Variants in ADGRV1 observed in about 807,000 individuals in gnomAD.
ADGRV1 encodes the protein adhesion G protein-coupled receptor V1.
In ADGRV1, 359 loss-of-function variants were observed where a neutral mutation model predicts 596.2. The observed-to-expected ratio is 0.60, with a 90% CI of 0.55 to 0.66. The LOEUF is 0.66. Among genes scored for constraint, ADGRV1 ranks in the 30% least tolerant of loss-of-function variants. The pLI is 0.00. For synonymous variants in ADGRV1, 2,681 were observed against 2,679.2 expected, an observed-to-expected ratio of 1.00 and a Z score of -0.02; for missense variants, 7,274 against 7,575.6, an observed-to-expected ratio of 0.96 and a Z score of 1.48.
At chr5:90,884,028 A>G (rs755668876) in intron 83 of ADGRV1, among the ~76,000 whole-genome samples, 3 of 152,210 alleles carry the variant, frequency 2.0e-5, no homozygotes, top group Non-Finnish European at 1.5e-5. Flanking sequence ...TCACATTCAT[A>G]GAACTAAATT....
intron 76 of ADGRV1, among the ~76,000 whole-genome samples, chr5:90,823,955 A>G (rs1446181979): frequency 6.6e-6 from 1 of 152,214 alleles, no homozygotes; most frequent in Non-Finnish European, 1.5e-5. Flanking sequence ...ACATACAAAG[A>G]AAAAAATGTT....
intron 85 of ADGRV1, among the ~76,000 whole-genome samples, chr5:90,999,466 T>G (rs1310443950): frequency 6.6e-6 from 1 of 151,850 alleles, no homozygotes; most frequent in African/African-American, 2.4e-5. Context: ...TCAGGAAGAT[T>G]AATGATTACT....
intron 39 of ADGRV1, among the ~76,000 whole-genome samples, chr5:90,710,168 T>C (rs1054127003): frequency 1.3e-5 from 2 of 152,116 alleles, no homozygotes; most frequent in South Asian, 2.1e-4. Context: ...CCTTTCCCCA[T>C]CCAGGCAGCT....
chr5:91,006,490 A>G (rs1581770249), intron 85 of ADGRV1, among the ~76,000 whole-genome samples: 1 of 152,260 alleles, frequency 6.6e-6, no homozygotes, highest in South Asian at 2.1e-4. Flanking sequence ...TTTTTTTCAC[A>G]AAATTTTTGT....
chr5:90,718,524 TA>T (rs1750457541), intron 43 of ADGRV1: 1 of 152,196 alleles, frequency 6.6e-6, no homozygotes, highest in African/African-American at 2.4e-5. Flanking sequence ...ATAATAGATT[TA>T]AAGCTATTTT....
At chr5:90,793,829 T>C (rs1271106332) in intron 70 of ADGRV1, among the ~76,000 whole-genome samples, 2 of 152,226 alleles carry the variant, frequency 1.3e-5, no homozygotes, top group African/African-American at 4.8e-5. Context: ...AAACCCTCTT[T>C]TTTGGTCACT....
chr5:90,971,178 C>T (rs1380827825), intron 84 of ADGRV1, among the ~76,000 whole-genome samples: 1 of 152,060 alleles, frequency 6.6e-6, no homozygotes, highest in Non-Finnish European at 1.5e-5. Flanking sequence ...GAAACAAAGA[C>T]TCCAAGAAAC....
chr5:91,091,495 T>A (rs1407544825), intron 86 of ADGRV1: 1 of 152,200 alleles, frequency 6.6e-6, no homozygotes, highest in Non-Finnish European at 1.5e-5. Flanking sequence ...AGAAACTGTC[T>A]TTTTTAATTC....
At chr5:91,075,111 A>T (rs917982291) in intron 86 of ADGRV1, among the ~76,000 whole-genome samples, 1 of 152,080 alleles carries the variant, frequency 6.6e-6, no homozygotes, top group African/African-American at 2.4e-5. Context: ...TAGTTTGCAA[A>T]AATTTTCTCC....
chr5:91,087,582 T>C (rs1194760969), intron 86 of ADGRV1, among the ~76,000 whole-genome samples: 5 of 152,238 alleles, frequency 3.3e-5, no homozygotes, highest in Non-Finnish European at 5.9e-5. Flanking sequence ...TATATAATCA[T>C]TGAGAGCAGA....
At chr5:90,620,312 G>A (rs36164590) in intron 4 of ADGRV1, among the ~76,000 whole-genome samples, 29,230 of 151,592 alleles carry the variant, frequency 0.19, 3,039 homozygotes, top group East Asian at 0.4. Flanking sequence ...GTGAGATGGT[G>A]TCTCATTGTG....
chr5:90,774,362 A>G, intron 60 of ADGRV1, 59 bp downstream of exon 60: 1 of 962,120 alleles, frequency 1.0e-6, no homozygotes, highest in Non-Finnish European at 1.6e-6. Flanking sequence ...AAATGTAATA[A>G]AAATAACCCG....
intron 87 of ADGRV1, among the ~76,000 whole-genome samples, chr5:91,130,871 G>A (rs528596264): frequency 6.0e-4 from 92 of 152,334 alleles, no homozygotes; most frequent in African/African-American, 2.1e-3. Flanking sequence ...AGGACATGCG[G>A]TATTTGATTC....
chr5:90,826,249 C>T (rs73775005), intron 76 of ADGRV1, among the ~76,000 whole-genome samples: 5,916 of 152,208 alleles, frequency 0.039, 167 homozygotes, highest in African/African-American at 0.078. Context: ...TGACAATATT[C>T]TTCTGTAGTG....
chr5:90,918,483 T>C (rs1773585589), intron 83 of ADGRV1, among the ~76,000 whole-genome samples: 1 of 152,138 alleles, frequency 6.6e-6, no homozygotes, highest in Non-Finnish European at 1.5e-5. Flanking sequence ...GTGTGAGAGG[T>C]AGATAGCAAA....
chr5:90,617,998 T>C (rs1476887538), intron 3 of ADGRV1, 45 bp downstream of exon 3: 3 of 1,413,932 alleles, frequency 2.1e-6, no homozygotes, highest in Non-Finnish European at 2.8e-6. Flanking sequence ...GGAGGACTTA[T>C]AAAACTTATA....
At chr5:90,661,109 C>T (rs1770220393) in intron 21 of ADGRV1, among the ~76,000 whole-genome samples, 1 of 152,164 alleles carries the variant, frequency 6.6e-6, no homozygotes, top group African/African-American at 2.4e-5. Flanking sequence ...CTAGTAACCA[C>T]ATTCTCATGT....
At chr5:91,158,922 A>G (rs1163326085) in intron 89 of ADGRV1, among the ~76,000 whole-genome samples, 1 of 152,082 alleles carries the variant, frequency 6.6e-6, no homozygotes, top group Non-Finnish European at 1.5e-5. Flanking sequence ...GGATTCAGGA[A>G]GAGTGACTAG....
Position 90,783,145 on chromosome 5 carries a change from T to C in ADGRV1, c.13253T>C (p.Ile4418Thr). 1 of 1,613,592 alleles carries C rather than the reference T, an allele frequency of 6.2e-7. No individual in the cohort carries two copies. Among genetic ancestry groups the C allele is most frequent in the Non-Finnish European group, 8.5e-7 (1 of 1,179,586 alleles). ...AFEVEEDVGL[I>T]MIPVVRLHGT... ...ACAGTGGAGGAAGATGTTGGGCTGA[T>C]CATGATCCCAGTGGTGAGGCTACAT... Residue 4418 changes from isoleucine to threonine, a missense_variant, in exon 66 of 90, where the codon ATC (isoleucine) becomes ACC (threonine). Coordinates refer to ENST00000405460, the MANE Select transcript of ADGRV1 (RefSeq NM_032119.4).
Sources: gnomAD v4.1 joint callset for allele counts (sites outside exome capture counted in the v4.1 genomes callset) on GRCh38, gnomAD v4.1.1 for gene constraint, MANE v1.5 for transcripts, NCBI Gene and HGNC (gene_info 2026-07-23, HGNC 2026-07-21) for gene names.